ZMYND11: variants seen among roughly 807,000 people sequenced by gnomAD.
ZMYND11 encodes the protein zinc finger MYND-type containing 11.
ZMYND11 carries 9 observed loss-of-function variants against 84.9 expected under a neutral mutation model. That is an observed-to-expected ratio of 0.11 (90% CI 0.06 to 0.18). ZMYND11 has a LOEUF of 0.18. ZMYND11 is among the 10% of genes least tolerant of loss of function. ZMYND11 has a pLI of 1.00. For synonymous variants in ZMYND11, 250 were observed against 244.1 expected (o/e 1.02, Z -0.23); for missense variants, 409 against 761.0 (o/e 0.54, Z 5.44).
At chr10:231,161 G>A (rs1032691967) in intron 4 of ZMYND11, among the ~76,000 whole-genome samples, 3 of 152,172 alleles carry the variant, frequency 2.0e-5, no homozygotes, top group African/African-American at 7.2e-5. Context: ...TTAAGTAGTC[G>A]AGACAGAGAC....
chr10:231,165 C>A (rs2131585906), intron 4 of ZMYND11, among the ~76,000 whole-genome samples: 2 of 152,336 alleles, frequency 1.3e-5, no homozygotes, highest in South Asian at 4.1e-4. Context: ...GTAGTCGAGA[C>A]AGAGACCAAC....
At chr10:251,505 G>A (rs576454458) in intron 14 of ZMYND11, among the ~76,000 whole-genome samples, 5 of 152,256 alleles carry the variant, frequency 3.3e-5, no homozygotes, top group South Asian at 2.1e-4. Flanking sequence ...CTCAACAGCC[G>A]TCAGATCTGC....
intron 6 of ZMYND11, among the ~76,000 whole-genome samples, chr10:238,452 G>A (rs1221751601): frequency 6.6e-6 from 1 of 152,044 alleles, no homozygotes; most frequent in Non-Finnish European, 1.5e-5. Context: ...TGCCTCCCGG[G>A]TTCACGCCAT....
chr10:170,455 T>TGTGTGTGC (rs1554765358), intron 1 of ZMYND11, among the ~76,000 whole-genome samples: 7 of 129,504 alleles, frequency 5.4e-5, no homozygotes, highest in African/African-American at 1.7e-4. Flanking sequence ...TGTGTGTGTG[T>TGTGTGTGC]GCGTGCTTAT....
intron 2 of ZMYND11, among the ~76,000 whole-genome samples, chr10:207,991 C>T (rs1446493609): frequency 2.6e-5 from 4 of 152,050 alleles, no homozygotes; most frequent in African/African-American, 7.2e-5. Context: ...GAAATAATGC[C>T]GCATATCTAC....
At chr10:199,585 G>A (rs1210907521) in intron 2 of ZMYND11, among the ~76,000 whole-genome samples, 2 of 151,374 alleles carry the variant, frequency 1.3e-5, no homozygotes, top group Non-Finnish European at 1.5e-5. Flanking sequence ...GCATGCCACC[G>A]TGCTTGGCTA....
upstream of ZMYND11, among the ~76,000 whole-genome samples, chr10:132,845 G>C (rs1217176950): frequency 2.0e-5 from 3 of 152,134 alleles, no homozygotes; most frequent in Non-Finnish European, 4.4e-5. Flanking sequence ...ACAGCTCCCC[G>C]ACAGCTCTGA....
chr10:188,397 G>T (rs1172842871), intron 2 of ZMYND11, among the ~76,000 whole-genome samples: 2 of 151,712 alleles, frequency 1.3e-5, no homozygotes, highest in Admixed American at 1.3e-4. Context: ...AAACCAGCCT[G>T]GGCAACATAA....
chr10:236,992 A>G (rs1161384065), intron 5 of ZMYND11, 77 bp downstream of exon 5: 2 of 1,373,058 alleles, frequency 1.5e-6, no homozygotes, highest in Non-Finnish European at 2.0e-6. Context: ...AAGTTGAATG[A>G]TCGAGAAGTA....
chr10:164,657 C>G (rs1339348486), intron 1 of ZMYND11, among the ~76,000 whole-genome samples: 2 of 152,142 alleles, frequency 1.3e-5, no homozygotes, highest in African/African-American at 4.8e-5. Context: ...CGTGGCCTCA[C>G]CTAATTTCAG....
At chr10:242,187 C>A in intron 10 of ZMYND11, 48 bp downstream of exon 10, 1 of 1,584,960 alleles carries the variant, frequency 6.3e-7, no homozygotes, top group Non-Finnish European at 8.6e-7. Context: ...CTTATGAAGT[C>A]CTTAAGAAAG....
intron 4 of ZMYND11, among the ~76,000 whole-genome samples, chr10:225,441 C>T (rs759137781): frequency 6.6e-6 from 1 of 151,822 alleles, no homozygotes; most frequent in African/African-American, 2.4e-5. Context: ...GCCTCAACCT[C>T]CTGGGCCAGC....
upstream of ZMYND11, chr10:135,194 G>T (rs1835626202): frequency 6.6e-6 from 1 of 151,078 alleles, no homozygotes; most frequent in Non-Finnish European, 1.5e-5. The surrounding 1 kb of genome is among the most constrained non-coding windows in gnomAD (Gnocchi z 5.6). Context: ...GGCGCCAGGG[G>T]AAGACGCGAG....
intron 2 of ZMYND11, chr10:197,941 A>G (rs1044973385): frequency 4.6e-6 from 3 of 651,968 alleles, no homozygotes; most frequent in Non-Finnish European, 8.3e-6. Context: ...TCTTGAACCT[A>G]TGGTGATTTT....
chr10:165,423 A>C (rs898624599), intron 1 of ZMYND11, among the ~76,000 whole-genome samples: 5 of 152,026 alleles, frequency 3.3e-5, no homozygotes, highest in African/African-American at 1.2e-4. Context: ...GTGCCTCACA[A>C]ATCTTCAGCA....
At chr10:145,874 G>A (rs977834263) in intron 1 of ZMYND11, among the ~76,000 whole-genome samples, 2 of 152,094 alleles carry the variant, frequency 1.3e-5, no homozygotes, top group Non-Finnish European at 1.5e-5. Context: ...CTGTGCAGAA[G>A]ATTTTTAGTT....
intron 3 of ZMYND11, 148 bp downstream of exon 3, chr10:210,196 G>A (rs1409835428): frequency 1.2e-6 from 1 of 829,982 alleles, no homozygotes; most frequent in Non-Finnish European, 1.8e-6. Context: ...TTGGTAGTAT[G>A]GATACTTTCC....
At chr10:144,911 T>G (rs6560723) in intron 1 of ZMYND11, among the ~76,000 whole-genome samples, 2 of 149,878 alleles carry the variant, frequency 1.3e-5, no homozygotes, top group African/African-American at 4.9e-5. Flanking sequence ...TTTTTAAAAT[T>G]TCTTACTCCT....
rs1952703164 is a variant in ZMYND11, at chr10:248,659, A to G, written c.1500+51A>G. 3 of 1,545,092 alleles carry G rather than the reference A, an allele frequency of 1.9e-6. 1 individual carries two copies. Among genetic ancestry groups the G allele is most frequent in the Non-Finnish European group, 2.6e-6 (3 of 1,150,052 alleles). On this transcript the variant is annotated intron_variant, in intron 13 of 14. Coordinates refer to ENST00000381604, the MANE Select transcript of ZMYND11 (RefSeq NM_001370100.5). The stretch of plus-strand genomic sequence containing the variant: ...CCCTGCTGCAGCCGGCACTCCTGTC[A>G]TGGTTAGGCTCCTTTCACTCATGCA...
Sources: allele counts gnomAD v4.1 joint callset (sites outside exome capture counted in the v4.1 genomes callset), GRCh38; gene constraint gnomAD v4.1.1; non-coding constraint Gnocchi (gnomAD v3.1); transcripts MANE v1.5; gene names NCBI Gene and HGNC (gene_info 2026-07-23, HGNC 2026-07-21).